The following TAF4B variants were observed in gnomAD, a reference collection of about 807,000 sequenced individuals.
The protein encoded by TAF4B is transcription initiation factor TFIID subunit 4B.
TAF4B carries 38 observed loss-of-function variants against 86.4 expected under a neutral mutation model. The observed-to-expected ratio is 0.44, with a 90% CI of 0.34 to 0.58. TAF4B has a LOEUF of 0.58. Among genes scored for constraint, TAF4B ranks in the 20% least tolerant of loss-of-function variants. The pLI is 0.02. For missense variants in TAF4B, 988 were observed against 1,027.6 expected (o/e 0.96, Z 0.53); for synonymous variants, 388 against 391.2 (o/e 0.99, Z 0.10).
chr18:26,326,481 T>C (rs2144684434), intron 11 of TAF4B, among the ~76,000 whole-genome samples: 1 of 152,346 alleles, frequency 6.6e-6, no homozygotes, highest in South Asian at 2.1e-4. Flanking sequence ...ACTTAGATTA[T>C]ATTTTGATAG....
chr18:26,328,868 A>C (rs2057028623), intron 12 of TAF4B, among the ~76,000 whole-genome samples: 1 of 151,912 alleles, frequency 6.6e-6, no homozygotes, highest in Admixed American at 6.6e-5. Flanking sequence ...CGCCCACCTC[A>C]GCCTCCCAAA....
intron 13 of TAF4B, among the ~76,000 whole-genome samples, chr18:26,346,893 ATATATATGTGTGTG>A (rs1373137345): frequency 0.084 from 687 of 8,204 alleles, 139 homozygotes; most frequent in Non-Finnish European, 0.22. Context: ...ATATATATAT[ATATATATGTGTGTG>A]TATATATATA....
intron 13 of TAF4B, among the ~76,000 whole-genome samples, chr18:26,345,299 T>C (rs959974164): frequency 6.6e-6 from 1 of 152,098 alleles, no homozygotes; most frequent in Admixed American, 6.5e-5. Flanking sequence ...ACCAGACATG[T>C]CTTTAGACCA....
At chr18:26,349,185 T>TAC (rs1436513617) in intron 13 of TAF4B, among the ~76,000 whole-genome samples, 5 of 152,090 alleles carry the variant, frequency 3.3e-5, no homozygotes, top group Admixed American at 6.6e-5. Flanking sequence ...AAGTTTGGGG[T>TAC]ACGATTGATC....
rs78178281 is a variant in TAF4B at position 26,310,417 on chromosome 18, G to A, written c.1833-4812G>A. 8.4e-4 allele frequency among the ~76,000 whole-genome samples: 128 copies of A among 152,166 alleles called. No homozygotes were observed. In the East Asian group the frequency reaches 0.024, roughly 28 times the overall value. ...CTTGAGAAGTACTGCAGTATGCTAC[G>A]CTACATTTGAGTTAATAAGAAGAGA... is the stretch of plus-strand genomic sequence containing the variant. On this transcript the variant is annotated intron_variant, in intron 9 of 14. Coordinates refer to ENST00000269142, the MANE Select transcript of TAF4B (RefSeq NM_005640.3).
Position 26,285,222 on chromosome 18 carries a change from G to GTTTTTGTTTTTGTTTTT in TAF4B, c.973-655_973-654insGTTTTTGTTTTTTTTTT. Among the ~76,000 whole-genome samples, 70 of 45,658 alleles carry GTTTTTGTTTTTGTTTTT rather than the reference G, an allele frequency of 1.5e-3. 1 individual carries two copies. The highest frequency in any genetic ancestry group is 2.4e-3 in the African/African-American group (38 of 15,978). The allele number at this position is 45,658 out of a possible 152,430, so 30.0% of individuals were successfully genotyped here. ...ATTTCTTCCTTTCCTTTTTTTTTTT[G>GTTTTTGTTTTTGTTTTT]TTTTTTTTTTTTTTGGAGATGGGGT... On this transcript the variant is annotated intron_variant, in intron 6 of 14. Transcript: ENST00000269142.
At chr18:26,268,090 A>G (rs2056265187) in intron 3 of TAF4B, among the ~76,000 whole-genome samples, 1 of 152,182 alleles carries the variant, frequency 6.6e-6, no homozygotes, top group Non-Finnish European at 1.5e-5. Context: ...CTCTCTGTTC[A>G]GTCACTGGAT....
chr18:26,387,553 T>C (rs1978446149), intron 14 of TAF4B, among the ~76,000 whole-genome samples: 1 of 152,226 alleles, frequency 6.6e-6, no homozygotes, highest in Non-Finnish European at 1.5e-5. Context: ...TGAGTGTTGA[T>C]GCTAGCAGAG....
chr18:26,376,062 A>G (rs1466504550), intron 14 of TAF4B, among the ~76,000 whole-genome samples: 2 of 152,178 alleles, frequency 1.3e-5, no homozygotes, highest in East Asian at 1.9e-4. Context: ...TCATCAATCT[A>G]TGTATCTGTC....
chr18:26,302,863 C>A (rs1009600104), intron 9 of TAF4B, among the ~76,000 whole-genome samples: 1 of 151,494 alleles, frequency 6.6e-6, no homozygotes, highest in African/African-American at 2.4e-5. Context: ...TTTTTTTAAT[C>A]TTTCTTTTTT....
At chr18:26,320,979 A>G in intron 10 of TAF4B, 91 bp from the exon 11 acceptor site, 1 of 1,485,636 alleles carries the variant, frequency 6.7e-7, no homozygotes, top group Non-Finnish European at 9.2e-7. Flanking sequence ...AATGGGTATG[A>G]CTTCCAGGGG....
At chr18:26,285,103 G>C (rs2056494320) in intron 6 of TAF4B, among the ~76,000 whole-genome samples, 1 of 151,182 alleles carries the variant, frequency 6.6e-6, no homozygotes, top group Admixed American at 6.6e-5. Flanking sequence ...CGGTAGCTGG[G>C]ACTACAGGCA....
intron 9 of TAF4B, among the ~76,000 whole-genome samples, chr18:26,309,117 T>C (rs2056827057): frequency 6.6e-6 from 1 of 151,860 alleles, no homozygotes; most frequent in South Asian, 2.1e-4. Context: ...AAAATCCTTA[T>C]AATGAACATA....
At chr18:26,285,075 C>T (rs1267875851) in intron 6 of TAF4B, among the ~76,000 whole-genome samples, 2 of 151,112 alleles carry the variant, frequency 1.3e-5, no homozygotes, top group East Asian at 2.0e-4. Flanking sequence ...CCAAGTGATC[C>T]TCCAACCTCA....
At chr18:26,296,164 G>T (rs2056659828) in intron 9 of TAF4B, among the ~76,000 whole-genome samples, 1 of 151,306 alleles carries the variant, frequency 6.6e-6, no homozygotes, top group Non-Finnish European at 1.5e-5. Flanking sequence ...AGTTTTGTTT[G>T]TATCTATTTG....
chr18:26,370,567 C>T (rs1482159973), intron 14 of TAF4B, among the ~76,000 whole-genome samples: 1 of 152,152 alleles, frequency 6.6e-6, no homozygotes, highest in Non-Finnish European at 1.5e-5. Context: ...TCCTCAGGAC[C>T]TATCCTCACC....
intron 14 of TAF4B, among the ~76,000 whole-genome samples, chr18:26,387,743 T>G (rs940521418): frequency 3.3e-5 from 5 of 152,202 alleles, no homozygotes; most frequent in African/African-American, 1.2e-4. Flanking sequence ...TTTCCCTCTT[T>G]TAGAACGTGG....
At position 26,372,078 on chromosome 18, in the gene TAF4B, C is replaced by T. The variant is rs1232117659; in HGVS notation, c.2421+14284C>T. ...TCTGCCTCACAACGGATCCTGAACC[C>T]ACAACATGGTTATTTCCCCATTCCT... is the stretch of plus-strand genomic sequence containing the variant. On this transcript the variant is annotated intron_variant, in intron 14 of 14. Coordinates refer to ENST00000269142, the MANE Select transcript of TAF4B (RefSeq NM_005640.3). 2.0e-5 allele frequency among the ~76,000 whole-genome samples: 3 copies of T among 152,092 alleles called. No individual in the cohort carries two copies. In the East Asian group the frequency reaches 5.8e-4, roughly 29 times the overall value.
At chr18:26,377,819 G>A (rs990731136) in intron 14 of TAF4B, among the ~76,000 whole-genome samples, 1 of 152,140 alleles carries the variant, frequency 6.6e-6, no homozygotes, top group African/African-American at 2.4e-5. Flanking sequence ...CATGCTTTCA[G>A]TGGTTGTATT....
Sources: gnomAD v4.1 joint callset for allele counts (sites outside exome capture counted in the v4.1 genomes callset) on GRCh38, gnomAD v4.1.1 for gene constraint, MANE v1.5 for transcripts, NCBI Gene and HGNC (gene_info 2026-07-23, HGNC 2026-07-21) for gene names.